MAGI2: variants seen among roughly 807,000 people sequenced by gnomAD.
MAGI2 encodes the protein membrane-associated guanylate kinase, WW and PDZ domain-containing protein 2.
MAGI2 carries 35 observed loss-of-function variants against 133.3 expected under a neutral mutation model. The observed-to-expected ratio is 0.26, with a 90% CI of 0.20 to 0.35. MAGI2 has a LOEUF of 0.35. Among genes scored for constraint, MAGI2 ranks in the 10% least tolerant of loss-of-function variants. The pLI is 1.00. For missense variants in MAGI2, 1,636 were observed against 1,863.4 expected, an observed-to-expected ratio of 0.88 and a Z score of 2.25; for synonymous variants, 729 against 710.6, an observed-to-expected ratio of 1.03 and a Z score of -0.41.
rs534105742 is a variant in MAGI2, at chr7:79,034,348, T to C, written c.302-27142A>G. ...TCTTTAAATTTAAATTACATTTCAG[T>C]GCAATACCCTACTGGTATCCAGGTT... On this transcript the variant is annotated intron_variant, in intron 1 of 21. Transcript: ENST00000354212. Among the ~76,000 whole-genome samples, 6 of 152,314 alleles carry C rather than the reference T, an allele frequency of 3.9e-5. No individual in the cohort carries two copies. The South Asian group carries it at 1.2e-3, about 32-fold the overall frequency.
At chr7:79,344,710 C>A (rs1841179080) in intron 1 of MAGI2, among the ~76,000 whole-genome samples, 1 of 152,062 alleles carries the variant, frequency 6.6e-6, no homozygotes, top group Non-Finnish European at 1.5e-5. Flanking sequence ...GACTAAATGG[C>A]ATACTTAGGA....
At chr7:78,923,025 C>CAG in intron 2 of MAGI2, among the ~76,000 whole-genome samples, 2 of 152,140 alleles carry the variant, frequency 1.3e-5, no homozygotes, top group Non-Finnish European at 2.9e-5. Context: ...CCTTTGCCTA[C>CAG]TTTTTAATGG....
chr7:78,888,842 G>C (rs1454960846), intron 2 of MAGI2, among the ~76,000 whole-genome samples: 1 of 152,154 alleles, frequency 6.6e-6, no homozygotes, highest in Non-Finnish European at 1.5e-5. Flanking sequence ...CCAAAGGAAC[G>C]CAGCTACTCA....
intron 2 of MAGI2, among the ~76,000 whole-genome samples, chr7:78,818,218 T>A (rs996277791): frequency 6.6e-6 from 1 of 152,216 alleles, no homozygotes; most frequent in Non-Finnish European, 1.5e-5. Flanking sequence ...TCTTGGCATG[T>A]GTTTTAAGTA....
chr7:79,176,259 C>G (rs896564955), intron 1 of MAGI2, among the ~76,000 whole-genome samples: 2 of 151,826 alleles, frequency 1.3e-5, no homozygotes, highest in African/African-American at 2.4e-5. Flanking sequence ...TACAGTCAGT[C>G]CCCTTCCTGG....
intron 16 of MAGI2, among the ~76,000 whole-genome samples, chr7:78,153,979 GC>G (rs1824139040): frequency 6.6e-6 from 1 of 152,152 alleles, no homozygotes; most frequent in Non-Finnish European, 1.5e-5. Context: ...AGAGACCTTG[GC>G]TTTTGTTTTA....
intron 3 of MAGI2, among the ~76,000 whole-genome samples, chr7:78,592,787 T>C (rs928439474): frequency 2.0e-5 from 3 of 150,700 alleles, no homozygotes; most frequent in African/African-American, 7.3e-5. Context: ...CTGTACACAT[T>C]GTAAAAGCCC....
chr7:78,526,136 C>T (rs547435614), intron 3 of MAGI2, among the ~76,000 whole-genome samples: 1 of 152,254 alleles, frequency 6.6e-6, no homozygotes, highest in South Asian at 2.1e-4. Context: ...GACTTAAGAA[C>T]CTCATCTCTT....
intron 13 of MAGI2, among the ~76,000 whole-genome samples, chr7:78,180,728 C>T (rs1442573421): frequency 6.7e-6 from 1 of 148,760 alleles, no homozygotes; most frequent in Non-Finnish European, 1.5e-5. Flanking sequence ...CAGGGGTGGC[C>T]AGCTTCATGG....
intron 2 of MAGI2, among the ~76,000 whole-genome samples, chr7:78,714,058 A>T (rs1452135955): frequency 3.4e-5 from 4 of 116,612 alleles, no homozygotes; most frequent in African/African-American, 6.3e-5. Context: ...GTTGTGTGAT[A>T]TGTGTTGTGG....
chr7:79,053,989 G>A (rs1391972867), intron 1 of MAGI2, among the ~76,000 whole-genome samples: 4 of 152,108 alleles, frequency 2.6e-5, no homozygotes, highest in Admixed American at 2.6e-4. Context: ...TTGAGGTCGG[G>A]AGTTCGAGAT....
chr7:79,293,814 C>T (rs1221826961), intron 1 of MAGI2, among the ~76,000 whole-genome samples: 2 of 152,190 alleles, frequency 1.3e-5, no homozygotes, highest in Non-Finnish European at 2.9e-5. Flanking sequence ...GCTCAAGCGC[C>T]TTTTATGCTG....
intron 2 of MAGI2, among the ~76,000 whole-genome samples, chr7:78,638,169 G>A (rs1208956897): frequency 1.3e-5 from 2 of 152,094 alleles, no homozygotes; most frequent in Non-Finnish European, 2.9e-5. Flanking sequence ...AATGTCTGGG[G>A]TGATCACTTT....
intron 1 of MAGI2, among the ~76,000 whole-genome samples, chr7:79,144,467 C>T: frequency 6.6e-6 from 1 of 152,204 alleles, no homozygotes; most frequent in East Asian, 1.9e-4. Flanking sequence ...TAAGACAAGA[C>T]ATGTCTGCCT....
At chr7:79,366,376 C>A (rs1332670094) in intron 1 of MAGI2, among the ~76,000 whole-genome samples, 1 of 151,904 alleles carries the variant, frequency 6.6e-6, no homozygotes, top group Non-Finnish European at 1.5e-5. Context: ...GGTTTGATTG[C>A]CTGGGGTTAA....
chr7:78,630,227 A>G (rs1455768167), intron 2 of MAGI2, among the ~76,000 whole-genome samples: 1 of 151,840 alleles, frequency 6.6e-6, no homozygotes, highest in Non-Finnish European at 1.5e-5. Context: ...TTTTTTTTAA[A>G]AAATGAGAGT....
At chr7:78,462,261 A>C (rs1790140017) in intron 6 of MAGI2, among the ~76,000 whole-genome samples, 1 of 152,202 alleles carries the variant, frequency 6.6e-6, no homozygotes, top group Admixed American at 6.5e-5. Context: ...AATAGTCATC[A>C]GACAAAAACC....
chr7:79,445,306 T>C (rs1180664113), intron 1 of MAGI2, among the ~76,000 whole-genome samples: 2 of 152,042 alleles, frequency 1.3e-5, no homozygotes, highest in African/African-American at 4.8e-5. Context: ...AAATCCAAAA[T>C]TGACAAATGG....
intron 1 of MAGI2, among the ~76,000 whole-genome samples, chr7:79,378,971 T>TATATATATATA (rs1563168412): frequency 1.8e-4 from 18 of 101,406 alleles, no homozygotes; most frequent in South Asian, 3.0e-4. Context: ...TATATATATA[T>TATATATATATA]TAAACTTTAA....
Sources: allele counts gnomAD v4.1 joint callset (sites outside exome capture counted in the v4.1 genomes callset), GRCh38; gene constraint gnomAD v4.1.1; transcripts MANE v1.5; gene names NCBI Gene and HGNC (gene_info 2026-07-23, HGNC 2026-07-21).